Variants in FGF12 observed in about 807,000 individuals in gnomAD.
The protein encoded by FGF12 is fibroblast growth factor 12.
A neutral mutation model predicts 23.6 loss-of-function variants in FGF12; 14 were observed. That is an observed-to-expected ratio of 0.59 (90% CI 0.39 to 0.93). The LOEUF is 0.93. Among genes scored for constraint, FGF12 ranks in the 40% least tolerant of loss-of-function variants. The probability of loss-of-function intolerance (pLI) is 0.00; values close to 1 mark genes in which losing one functional copy is unlikely to be tolerated. For synonymous variants in FGF12, 62 were observed against 77.3 expected (o/e 0.80, Z 1.04); for missense variants, 175 against 217.8 (o/e 0.80, Z 1.24).
intron 2 of FGF12, among the ~76,000 whole-genome samples, chr3:192,721,218 T>A (rs916465636): frequency 6.6e-6 from 1 of 152,204 alleles, no homozygotes; most frequent in African/African-American, 2.4e-5. Context: ...TAAAGAGAGA[T>A]ACAGCTAAAA....
chr3:192,572,504 A>G (rs983997702), intron 2 of FGF12, among the ~76,000 whole-genome samples: 1 of 152,240 alleles, frequency 6.6e-6, no homozygotes, highest in African/African-American at 2.4e-5. Flanking sequence ...TAAGGGCAAC[A>G]TAAGTTTTGT....
intron 2 of FGF12, among the ~76,000 whole-genome samples, chr3:192,711,479 G>A (rs900803266): frequency 1.3e-5 from 2 of 152,214 alleles, no homozygotes; most frequent in Non-Finnish European, 2.9e-5. Context: ...GGGCCATGAT[G>A]AAGATGGCGG....
chr3:192,144,275 T>G (rs1480509816), intron 5 of FGF12, 148 bp from the exon 6 acceptor site: 2 of 553,708 alleles, frequency 3.6e-6, no homozygotes, highest in Non-Finnish European at 6.4e-6. Context: ...TGATAATCAG[T>G]GAATACACTT....
intron 2 of FGF12, among the ~76,000 whole-genome samples, chr3:192,449,396 TC>T (rs1722456461): frequency 6.6e-6 from 1 of 152,114 alleles, no homozygotes. Context: ...TAAGCTTGCG[TC>T]CCCAGTTTCA....
At chr3:192,304,853 C>G (rs924432305) in intron 4 of FGF12, among the ~76,000 whole-genome samples, 2 of 152,190 alleles carry the variant, frequency 1.3e-5, no homozygotes, top group Non-Finnish European at 2.9e-5. Context: ...TACTGTTTAG[C>G]TTTCTTGCTG....
At chr3:192,423,325 C>G (rs1008927830) in intron 2 of FGF12, among the ~76,000 whole-genome samples, 2 of 152,200 alleles carry the variant, frequency 1.3e-5, no homozygotes, top group Admixed American at 1.3e-4. Context: ...CTCTGATTTT[C>G]TTTTTGGAGT....
In FGF12 at chr3:192,587,492, G is replaced by T. The variant is rs767244198; in HGVS notation, c.13+139689C>A. 2.0e-4 allele frequency among the ~76,000 whole-genome samples: 31 copies of T among 151,960 alleles called. No individual in the cohort carries two copies. In the Middle Eastern group the frequency reaches 0.01, roughly 50 times the overall value. Reference sequence around the variant, plus strand: ...CCTTATGTTTACATATAATAACAAAGAAATAAATTCATGCCGAAAATCAAC... The same window carrying T: ...CCTTATGTTTACATATAATAACAAATAAATAAATTCATGCCGAAAATCAAC... On this transcript the variant is annotated intron_variant, in intron 2 of 5. Transcript: ENST00000445105.
At chr3:192,476,413 C>T (rs1384868171) in intron 2 of FGF12, among the ~76,000 whole-genome samples, 3 of 152,158 alleles carry the variant, frequency 2.0e-5, no homozygotes, top group Non-Finnish European at 4.4e-5. Context: ...ACTCCCACCA[C>T]CACTCTACAT....
intron 2 of FGF12, among the ~76,000 whole-genome samples, chr3:192,615,324 CTATAAT>C (rs769481573): frequency 6.6e-6 from 1 of 151,918 alleles, no homozygotes; most frequent in Non-Finnish European, 1.5e-5. Flanking sequence ...TCTCCCTTCT[CTATAAT>C]TATAGAATTA....
At chr3:192,449,039 C>A (rs1722444951) in intron 2 of FGF12, among the ~76,000 whole-genome samples, 1 of 152,162 alleles carries the variant, frequency 6.6e-6, no homozygotes, top group South Asian at 2.1e-4. Context: ...TTAGTGTACA[C>A]AAAGGCTTTT....
intron 4 of FGF12, among the ~76,000 whole-genome samples, chr3:192,262,388 G>A (rs1712812655): frequency 6.6e-6 from 1 of 152,130 alleles, no homozygotes; most frequent in Non-Finnish European, 1.5e-5. Context: ...TATTCTATAT[G>A]AGTAGTTTTC....
At chr3:192,663,097 G>A (rs1282569623) in intron 2 of FGF12, among the ~76,000 whole-genome samples, 2 of 152,166 alleles carry the variant, frequency 1.3e-5, no homozygotes, top group East Asian at 3.9e-4. Flanking sequence ...TAACACACTA[G>A]CATGACTTGG....
chr3:192,589,321 G>A (rs1463383018), intron 2 of FGF12, among the ~76,000 whole-genome samples: 1 of 143,238 alleles, frequency 7.0e-6, no homozygotes. Context: ...GTGACAGAGT[G>A]AGACTCCATC....
At chr3:192,614,250 T>G (rs1266073331) in intron 2 of FGF12, among the ~76,000 whole-genome samples, 1 of 151,992 alleles carries the variant, frequency 6.6e-6, no homozygotes, top group Non-Finnish European at 1.5e-5. Context: ...TAAAGCTAAT[T>G]TTTTTCTTTT....
rs1721069055 is a variant in FGF12, at chr3:192,408,656, G to A, written c.14-48118C>T. 1.9e-6 allele frequency: 2 copies of A among 1,026,146 alleles called. No individual in the cohort carries two copies. The highest frequency in any genetic ancestry group is 2.3e-6 in the Non-Finnish European group (2 of 855,162). 63.6% of individuals were successfully genotyped at this position (1,026,146 alleles called of 1,614,324 possible). ...TGTTGGAGAGGCGCAAGCGTTGTAA[G>A]GTGTCCAAAGTATACCTACACATAC... On this transcript the variant is annotated intron_variant, in intron 2 of 5. Coordinates refer to ENST00000445105, the MANE Select transcript of FGF12 (RefSeq NM_004113.6). The surrounding 1 kb of genome is among the most constrained non-coding windows in gnomAD (Gnocchi z 7.3).
chr3:192,552,656 C>T lies in FGF12; in HGVS notation c.13+174525G>A, dbSNP rs567729122. 6.1e-4 allele frequency among the ~76,000 whole-genome samples: 93 copies of T among 152,198 alleles called. 1 individual carries two copies. Among genetic ancestry groups the T allele is most frequent in the African/African-American group, 2.0e-3 (84 of 41,550 alleles). ...CTATAATCCCAGCATTTTGGGAGGC[C>T]GAGGCTGGCAGGTCACCTGAGGCTG... On this transcript the variant is annotated intron_variant, in intron 2 of 5. Coordinates refer to ENST00000445105, the MANE Select transcript of FGF12 (RefSeq NM_004113.6).
chr3:192,709,819 C>A (rs1436737565), intron 2 of FGF12, among the ~76,000 whole-genome samples: 2 of 152,150 alleles, frequency 1.3e-5, no homozygotes, highest in Non-Finnish European at 2.9e-5. Flanking sequence ...TTGTTAATAT[C>A]TTTATGATGG....
chr3:192,474,444 C>T lies in FGF12; in HGVS notation c.14-113906G>A, dbSNP rs556081457. ...AATTATAGCACCTCATTTTCTCTGT[C>T]ACAGTGATTGGTGCTTGGATAGGAA... is the stretch of plus-strand genomic sequence containing the variant. On this transcript the variant is annotated intron_variant, in intron 2 of 5. Coordinates refer to ENST00000445105, the MANE Select transcript of FGF12 (RefSeq NM_004113.6). Among the ~76,000 whole-genome samples, 296 of 152,290 alleles carry T rather than the reference C, an allele frequency of 1.9e-3. 1 individual carries two copies. The highest frequency in any genetic ancestry group is 3.4e-3 in the Middle Eastern group (1 of 294).
At chr3:192,568,180 A>G (rs1712430778) in intron 2 of FGF12, among the ~76,000 whole-genome samples, 1 of 152,122 alleles carries the variant, frequency 6.6e-6, no homozygotes, top group African/African-American at 2.4e-5. Context: ...TTTAGGGTCC[A>G]CCTAGATAAT....
Sources: allele counts gnomAD v4.1 joint callset (sites outside exome capture counted in the v4.1 genomes callset), GRCh38; gene constraint gnomAD v4.1.1; non-coding constraint Gnocchi (gnomAD v3.1); transcripts MANE v1.5; gene names NCBI Gene and HGNC (gene_info 2026-07-23, HGNC 2026-07-21).